The following LRP5 variants were observed in gnomAD, a reference collection of about 807,000 sequenced individuals.
The protein encoded by LRP5 is LDL receptor related protein 5.
A neutral mutation model predicts 154.1 loss-of-function variants in LRP5; 62 were observed. That is an observed-to-expected ratio of 0.40 (90% CI 0.33 to 0.50). LRP5 has a LOEUF of 0.50. Ranked by LOEUF, LRP5 falls within the 20% of genes least tolerant of loss-of-function variation. The pLI is 0.55. For synonymous variants in LRP5, 966 were observed against 1,011.5 expected (o/e 0.96, Z 0.85); for missense variants, 1,915 against 2,336.7 (o/e 0.82, Z 3.72).
At chr11:68,378,181 AC>A (rs2098638423) in intron 5 of LRP5, among the ~76,000 whole-genome samples, 3 of 151,794 alleles carry the variant, frequency 2.0e-5, no homozygotes, top group Non-Finnish European at 4.4e-5. Flanking sequence ...TTGTGAAAAA[AC>A]CTGTTTTCCC....
rs916223428 is a variant in LRP5 at position 68,386,879 on chromosome 11, G to A, written c.1412+167G>A. ...CCCCACCCCCAGAGCGGTGATTCAGGAGCTCCAGGGCGGGGCTGAAGACTT... is the reference window on the plus strand; with the variant it reads ...CCCCACCCCCAGAGCGGTGATTCAGAAGCTCCAGGGCGGGGCTGAAGACTT... On this transcript the variant is annotated intron_variant, in intron 6 of 22. Coordinates refer to ENST00000294304, the MANE Select transcript of LRP5 (RefSeq NM_002335.4). This position sits in a 1 kb window ranked among gnomAD's most constrained non-coding sequence, Gnocchi z 7.9. Among the ~76,000 whole-genome samples the A allele has an allele frequency of 1.4e-4, 21 of 152,220 alleles. No homozygotes were observed. The highest frequency in any genetic ancestry group is 5.1e-4 in the African/African-American group (21 of 41,460).
intron 1 of LRP5, 114 bp downstream of exon 1, chr11:68,312,919 G>GT: frequency 2.0e-6 from 1 of 490,984 alleles, no homozygotes. Flanking sequence ...TGGCGAGTTG[G>GT]GAGCGAGTTG....
In LRP5 at chr11:68,363,922, A is replaced by G; in HGVS notation, c.862A>G (p.Ser288Gly). Residue 288 changes from serine (S) to glycine (G), a missense_variant, in exon 4 of 23, where the codon AGC (serine) becomes GGC (glycine). Ser to Gly is a moderately conservative substitution (Grantham distance 56, BLOSUM62 0). This residue lies in a region of LRP5 where 773 missense variants were observed against 1,100.9 expected (regional missense o/e 0.70). Coordinates refer to ENST00000294304, the MANE Select transcript of LRP5 (RefSeq NM_002335.4). ...LYSPMDIQVL[S>G]QERQPFFHTR... ...CTCACCCATGGACATCCAGGTGCTG[A>G]GCCAGGAGCGGCAGCCTTTCTGTGA... The G allele has an allele frequency of 6.2e-7, 1 of 1,606,696 alleles. No individual in the cohort carries two copies. The highest frequency in any genetic ancestry group is 8.5e-7 in the Non-Finnish European group (1 of 1,176,736).
chr11:68,383,912 A>G (rs1325230292), intron 5 of LRP5, among the ~76,000 whole-genome samples: 4 of 152,108 alleles, frequency 2.6e-5, no homozygotes, highest in Non-Finnish European at 5.9e-5. Context: ...TAGAGGGAGA[A>G]AATTTGTTGA....
intron 1 of LRP5, among the ~76,000 whole-genome samples, chr11:68,335,060 G>A (rs1054753620): frequency 3.2e-4 from 48 of 147,974 alleles, no homozygotes; most frequent in African/African-American, 1.1e-3. Context: ...CCAACTGTTC[G>A]ATACCTGACC....
intron 5 of LRP5, among the ~76,000 whole-genome samples, chr11:68,374,427 T>C (rs1018346554): frequency 8.5e-5 from 13 of 152,228 alleles, no homozygotes; most frequent in African/African-American, 3.1e-4. Flanking sequence ...GCAGCTGCTG[T>C]TCTCAGCCAT....
At chr11:68,370,346 T>C (rs2098633346) in intron 5 of LRP5, among the ~76,000 whole-genome samples, 1 of 151,804 alleles carries the variant, frequency 6.6e-6, no homozygotes. Context: ...CTCATTTTCC[T>C]GCAAGCGGGG....
Position 68,423,689 on chromosome 11 carries a change from G to A in LRP5, c.3228G>A (p.Ala1076=), listed in dbSNP as rs767509386. 2.6e-5 allele frequency: 42 copies of A among 1,610,556 alleles called. No homozygotes were observed. Among genetic ancestry groups the A allele is most frequent in the East Asian group, 1.6e-4 (7 of 44,878 alleles). The stretch of plus-strand genomic sequence containing the variant: ...AGCCCAGGGCCATCGTCGTCAACGC[G>A]GAGCGAGGGTAGGAGGCCAACGGGT... ...RDKPRAIVVN[A]ERGYLYFTNM... Residue 1076 remains alanine (A), a synonymous_variant, in exon 14 of 23, where the codon GCG becomes GCA. Transcript: ENST00000294304. This position sits in a 1 kb window ranked among gnomAD's most constrained non-coding sequence, Gnocchi z 4.7.
chr11:68,313,741 C>T (rs1397839495), intron 1 of LRP5, among the ~76,000 whole-genome samples: 2 of 152,382 alleles, frequency 1.3e-5, no homozygotes, highest in East Asian at 1.9e-4. Flanking sequence ...GGCACGGCCG[C>T]AAGTGCCTGT....
At position 68,386,459 on chromosome 11, in the gene LRP5, G is replaced by A. The variant is rs2098643089; in HGVS notation, c.1159G>A (p.Val387Ile). 6.2e-7 allele frequency: 1 copy of A among 1,614,008 alleles called. No individual in the cohort carries two copies. Among genetic ancestry groups the A allele is most frequent in the African/African-American group, 1.3e-5 (1 of 74,942 alleles). The change falls in exon 6 of 23, where the codon GTC becomes ATC. Residue 387 changes from valine to isoleucine, a missense_variant. Physicochemically the swap from Val to Ile is conservative, Grantham distance 29. Around this residue, in one of 3 missense-constraint regions of LRP5, gnomAD observed 773 missense variants for 1,100.9 expected, o/e 0.70. Coordinates refer to ENST00000294304, the MANE Select transcript of LRP5 (RefSeq NM_002335.4). The surrounding 1 kb of genome is among the most constrained non-coding windows in gnomAD (Gnocchi z 7.9). Reference sequence around the variant, plus strand: ...CGACTACGACCCGCTAGAGGGCTATGTCTACTGGACAGATGACGAGGTGCG... The same window carrying A: ...CGACTACGACCCGCTAGAGGGCTATATCTACTGGACAGATGACGAGGTGCG... ...AIDYDPLEGY[V>I]YWTDDEVRAI...
chr11:68,314,604 C>G (rs1413846270), intron 1 of LRP5, among the ~76,000 whole-genome samples: 1 of 152,226 alleles, frequency 6.6e-6, no homozygotes. Context: ...ACGGAAATGG[C>G]TTTGTTCTAG....
chr11:68,421,816 C>T (rs1376443696), intron 13 of LRP5, among the ~76,000 whole-genome samples: 4 of 113,694 alleles, frequency 3.5e-5, no homozygotes, highest in Non-Finnish European at 5.6e-5. Flanking sequence ...TGTGTGTGCG[C>T]GTGTGTGTGG....
intron 2 of LRP5, among the ~76,000 whole-genome samples, chr11:68,355,984 T>C (rs1591216944): frequency 6.6e-6 from 1 of 151,490 alleles, no homozygotes; most frequent in Non-Finnish European, 1.5e-5. Flanking sequence ...TGACTACAGG[T>C]GTCCGCCACC....
At position 68,448,957 on chromosome 11, in the gene LRP5, C is replaced by T; in HGVS notation, c.4735C>T (p.Pro1579Ser). ...AGACCCCTATCCACCCCCACCCACG[C>T]CCCACAGCCAGTACCTGTCGGCGGA... ...DSDPYPPPPTPHSQYLSAEDS... is the reference protein window; with the variant it reads ...DSDPYPPPPTSHSQYLSAEDS... Residue 1579 changes from proline to serine, a missense_variant, in exon 23 of 23, where the codon CCC (proline) becomes TCC (serine). Coordinates refer to ENST00000294304, the MANE Select transcript of LRP5 (RefSeq NM_002335.4). 6.2e-7 allele frequency: 1 copy of T among 1,612,978 alleles called. No homozygotes were observed.
chr11:68,349,756 C>A (rs1261631896), intron 2 of LRP5, among the ~76,000 whole-genome samples: 1 of 152,168 alleles, frequency 6.6e-6, no homozygotes, highest in Non-Finnish European at 1.5e-5. Context: ...CCAGGTCACC[C>A]CAGACTCCCG....
intron 5 of LRP5, among the ~76,000 whole-genome samples, chr11:68,371,983 CG>C (rs967525908): frequency 6.6e-6 from 1 of 152,218 alleles, no homozygotes; most frequent in Non-Finnish European, 1.5e-5. Flanking sequence ...GTCCAGTGTC[CG>C]GGGGTGAAGG....
At position 68,431,766 on chromosome 11, in the gene LRP5, T is replaced by C. The variant is rs541806956; in HGVS notation, c.3764-1836T>C. Among the ~76,000 whole-genome samples the C allele has an allele frequency of 6.6e-5, 10 of 152,322 alleles. No homozygotes were observed. The South Asian group carries it at 2.1e-3, about 32-fold the overall frequency. On this transcript the variant is annotated intron_variant, in intron 17 of 22. Coordinates refer to ENST00000294304, the MANE Select transcript of LRP5 (RefSeq NM_002335.4). ...CCAACGGTGTCTGTGCACCTCCCAC[T>C]GATGCCCGAACTGCCCTGGCCAAGA...
chr11:68,312,013 G>A (rs1329224371), upstream of LRP5, among the ~76,000 whole-genome samples: 2 of 152,260 alleles, frequency 1.3e-5, no homozygotes, highest in Non-Finnish European at 2.9e-5. Context: ...AGCCTGGCGG[G>A]ACTTTCTCCC....
At chr11:68,409,060 A>G (rs1354642765) in intron 9 of LRP5, among the ~76,000 whole-genome samples, 2 of 16,094 alleles carry the variant, frequency 1.2e-4, no homozygotes, top group Middle Eastern at 0.031. Flanking sequence ...GGAAAAAAAA[A>G]AAAAAAAAAA....
Sources: allele counts gnomAD v4.1 joint callset (sites outside exome capture counted in the v4.1 genomes callset), GRCh38; gene constraint gnomAD v4.1.1; regional missense constraint gnomAD v4.1.1; non-coding constraint Gnocchi (gnomAD v3.1); transcripts MANE v1.5; gene names NCBI Gene and HGNC (gene_info 2026-07-23, HGNC 2026-07-21).